Variants in DOCK10 observed in about 807,000 individuals in gnomAD.
DOCK10 encodes the protein dedicator of cytokinesis protein 10.
In DOCK10, 145 loss-of-function variants were observed where a neutral mutation model predicts 280.1. The ratio of observed to expected loss-of-function variants is 0.52; its 90% CI spans 0.45 to 0.59. DOCK10 has a LOEUF of 0.59. Among genes scored for constraint, DOCK10 ranks in the 20% least tolerant of loss-of-function variants. The pLI, the probability that DOCK10 is intolerant of heterozygous loss-of-function variation, is 0.00. For synonymous variants in DOCK10, 915 were observed against 942.2 expected (o/e 0.97, Z 0.53); for missense variants, 2,368 against 2,651.7 (o/e 0.89, Z 2.35).
chr2:224,964,864 T>C (rs1704643447), intron 1 of DOCK10, among the ~76,000 whole-genome samples: 1 of 152,162 alleles, frequency 6.6e-6, no homozygotes, highest in African/African-American at 2.4e-5. Flanking sequence ...ACTTCAAGGA[T>C]ACAAGACATT....
At chr2:224,972,231 T>C in intron 1 of DOCK10, among the ~76,000 whole-genome samples, 1 of 152,226 alleles carries the variant, frequency 6.6e-6, no homozygotes, top group East Asian at 1.9e-4. Flanking sequence ...CCATGTTCAC[T>C]TCCTCCAATT....
chr2:224,909,228 T>G (rs568651510), intron 3 of DOCK10, among the ~76,000 whole-genome samples: 1 of 152,336 alleles, frequency 6.6e-6, no homozygotes, highest in South Asian at 2.1e-4. Flanking sequence ...TCACTTTAAT[T>G]GCCCCCCTCT....
Position 224,773,235 on chromosome 2 carries a change from C to T in DOCK10, c.6126G>A (p.Glu2042=), listed in dbSNP as rs373665902. The T allele has an allele frequency of 7.4e-5, 119 of 1,613,848 alleles. No homozygotes were observed. The highest frequency in any genetic ancestry group is 9.0e-5 in the Non-Finnish European group (106 of 1,179,888). The change falls in exon 53 of 56, where the codon GAG becomes GAA. Residue 2042 remains glutamate (E), a synonymous_variant. Transcript: ENST00000258390. ...CTTCCATTGTGCAAAGCTGATTAAG[C>T]TCAGAAACCTTCTTGGACATCTCGT... ...AIDEMSKKVS[E]LNQLCTMEEV... is the part of the protein sequence containing the mutation.
intron 13 of DOCK10, among the ~76,000 whole-genome samples, chr2:224,863,382 C>A (rs371795392): frequency 6.6e-6 from 1 of 152,164 alleles, no homozygotes; most frequent in Non-Finnish European, 1.5e-5. Context: ...TGCTAAGATT[C>A]AATTCTTGTA....
chr2:224,853,310 T>A (rs576828601), intron 16 of DOCK10, among the ~76,000 whole-genome samples, 188 bp from the exon 17 acceptor site: 1 of 152,362 alleles, frequency 6.6e-6, no homozygotes, highest in East Asian at 1.9e-4. Flanking sequence ...GCTACGTATT[T>A]AATATTAAAA....
intron 4 of DOCK10, among the ~76,000 whole-genome samples, chr2:224,888,392 A>G (rs1361933475): frequency 6.6e-6 from 1 of 151,822 alleles, no homozygotes. Flanking sequence ...GTGTGAATAT[A>G]TATGTGTGTG....
intron 27 of DOCK10, among the ~76,000 whole-genome samples, chr2:224,829,634 T>C (rs886472473): frequency 6.6e-6 from 1 of 152,166 alleles, no homozygotes; most frequent in Non-Finnish European, 1.5e-5. Context: ...CCATTGTAAC[T>C]GTGAATGGCC....
At chr2:224,922,988 T>C (rs1314728309) in intron 2 of DOCK10, among the ~76,000 whole-genome samples, 2 of 152,246 alleles carry the variant, frequency 1.3e-5, no homozygotes, top group South Asian at 2.1e-4. Flanking sequence ...GACATCGATA[T>C]TGTCTTTTAT....
intron 55 of DOCK10, chr2:224,769,059 T>A: frequency 2.6e-6 from 1 of 390,904 alleles, no homozygotes; most frequent in Non-Finnish European, 5.0e-6. Context: ...AGATCCATCA[T>A]TTGTTCTTTT....
intron 40 of DOCK10, 97 bp from the exon 41 acceptor site, chr2:224,800,360 G>T: frequency 3.3e-6 from 2 of 604,184 alleles, no homozygotes; most frequent in South Asian, 2.8e-5. Context: ...AAAGTTTGCT[G>T]GCATTTTGAT....
intron 47 of DOCK10, among the ~76,000 whole-genome samples, chr2:224,792,717 A>G (rs967008178): frequency 1.3e-5 from 2 of 152,250 alleles, no homozygotes; most frequent in African/African-American, 2.4e-5. Context: ...GTAGCTAAAT[A>G]TGGCTGTAAC....
intron 3 of DOCK10, 130 bp downstream of exon 3, chr2:224,916,564 AC>A (rs2125936672): frequency 4.0e-6 from 2 of 502,470 alleles, no homozygotes; most frequent in South Asian, 2.6e-5. Flanking sequence ...AAAAAAAAAG[AC>A]ATCCACTAGT....
At chr2:224,869,099 T>G (rs1698105762) in intron 11 of DOCK10, among the ~76,000 whole-genome samples, 1 of 152,220 alleles carries the variant, frequency 6.6e-6, no homozygotes, top group South Asian at 2.1e-4. Context: ...CCTAACAAAT[T>G]AATTCATAGG....
intron 1 of DOCK10, among the ~76,000 whole-genome samples, chr2:224,940,795 C>T (rs530080785): frequency 1.3e-5 from 2 of 152,292 alleles, no homozygotes; most frequent in South Asian, 4.1e-4. Context: ...TAGGAGGTGC[C>T]TGGTTGTGTG....
intron 43 of DOCK10, among the ~76,000 whole-genome samples, chr2:224,796,665 C>T (rs1450765081): frequency 2.0e-5 from 3 of 152,116 alleles, no homozygotes; most frequent in African/African-American, 7.2e-5. Context: ...AAAAAAATTA[C>T]GTTTGGAATT....
intron 1 of DOCK10, among the ~76,000 whole-genome samples, chr2:225,034,703 TTTCA>T (rs1323186518): frequency 6.6e-6 from 1 of 152,218 alleles, no homozygotes; most frequent in East Asian, 1.9e-4. Context: ...AGTTCTCGCT[TTTCA>T]ATAGCACTTA....
chr2:224,865,188 G>T, intron 11 of DOCK10, 101 bp from the exon 12 acceptor site: 1 of 1,149,648 alleles, frequency 8.7e-7, no homozygotes, highest in Non-Finnish European at 1.2e-6. Flanking sequence ...TAAAATACAT[G>T]CAGCAGGCAA....
intron 1 of DOCK10, among the ~76,000 whole-genome samples, chr2:224,999,507 C>T (rs970056220): frequency 1.3e-5 from 2 of 151,698 alleles, no homozygotes; most frequent in Non-Finnish European, 2.9e-5. Flanking sequence ...GCCTCCCTCC[C>T]TCTCTCCCCT....
At chr2:224,913,243 G>A (rs1277127320) in intron 3 of DOCK10, among the ~76,000 whole-genome samples, 3 of 151,900 alleles carry the variant, frequency 2.0e-5, no homozygotes, top group African/African-American at 2.4e-5. Context: ...TCATGTGATC[G>A]TGTTTCTTTC....
Sources: allele counts gnomAD v4.1 joint callset (sites outside exome capture counted in the v4.1 genomes callset), GRCh38; gene constraint gnomAD v4.1.1; transcripts MANE v1.5; gene names NCBI Gene and HGNC (gene_info 2026-07-23, HGNC 2026-07-21).